Variants in RERE observed in about 807,000 individuals in gnomAD.
RERE encodes arginine-glutamic acid dipeptide repeats.
A neutral mutation model predicts 146.1 loss-of-function variants in RERE; 40 were observed. The observed-to-expected ratio is 0.27, with a 90% CI of 0.21 to 0.36. The LOEUF (loss-of-function observed/expected upper bound fraction) is 0.36, where lower values mean the gene tolerates loss of function less well. Among genes scored for constraint, RERE ranks in the 10% least tolerant of loss-of-function variants. The pLI, the probability that RERE is intolerant of heterozygous loss-of-function variation, is 1.00. For synonymous variants in RERE, 1,003 were observed against 866.0 expected (o/e 1.16, Z -2.78); for missense variants, 1,933 against 2,138.7 (o/e 0.90, Z 1.90).
At chr1:8,809,157 A>AAAT (rs1553151909) in intron 1 of RERE, among the ~76,000 whole-genome samples, 4 of 146,214 alleles carry the variant, frequency 2.7e-5, no homozygotes, top group Middle Eastern at 3.5e-3. Context: ...AAAAAAAAAA[A>AAAT]AAAGTACTGA....
At chr1:8,562,693 C>CT (rs1646093221) in intron 4 of RERE, among the ~76,000 whole-genome samples, 1 of 152,038 alleles carries the variant, frequency 6.6e-6, no homozygotes, top group Non-Finnish European at 1.5e-5. Context: ...TTTTAAGCCA[C>CT]TAAACAGGAG....
At chr1:8,597,405 T>C (rs1646567642) in intron 4 of RERE, among the ~76,000 whole-genome samples, 1 of 152,182 alleles carries the variant, frequency 6.6e-6, no homozygotes, top group Non-Finnish European at 1.5e-5. Context: ...GATGCTAATT[T>C]TTAAATGGAC....
At chr1:8,532,553 T>G (rs993415014) in intron 7 of RERE, among the ~76,000 whole-genome samples, 1 of 152,220 alleles carries the variant, frequency 6.6e-6, no homozygotes, top group Non-Finnish European at 1.5e-5. Flanking sequence ...CCCAAGTAGC[T>G]GGGATTACAG....
intron 10 of RERE, among the ~76,000 whole-genome samples, chr1:8,473,902 C>T (rs1345528545): frequency 1.3e-5 from 2 of 152,220 alleles, no homozygotes; most frequent in Non-Finnish European, 1.5e-5. Flanking sequence ...TCTTACCTAA[C>T]ACTATTCAAA....
chr1:8,622,486 TAAAAAA>T (rs1167355778), intron 3 of RERE, among the ~76,000 whole-genome samples: 3 of 43,016 alleles, frequency 7.0e-5, no homozygotes, highest in African/African-American at 2.8e-4. Flanking sequence ...TGTATCTGTT[TAAAAAA>T]AAAAAAAAAA....
chr1:8,430,974 T>C (rs1300132166), intron 11 of RERE, among the ~76,000 whole-genome samples: 1 of 152,206 alleles, frequency 6.6e-6, no homozygotes, highest in Non-Finnish European at 1.5e-5. Flanking sequence ...TTAAAGTCCG[T>C]AGATGCCATA....
chr1:8,701,986 A>T (rs568373110), intron 1 of RERE, among the ~76,000 whole-genome samples: 1 of 152,264 alleles, frequency 6.6e-6, no homozygotes, highest in East Asian at 1.9e-4. Flanking sequence ...AATTGCCCAC[A>T]GATCAACGTG....
chr1:8,795,460 T>G (rs76483067), intron 1 of RERE, among the ~76,000 whole-genome samples: 1 of 152,002 alleles, frequency 6.6e-6, no homozygotes, highest in Non-Finnish European at 1.5e-5. Flanking sequence ...ATATCCAGCA[T>G]GCATTTTTAT....
intron 11 of RERE, among the ~76,000 whole-genome samples, chr1:8,447,732 C>CTG (rs1644339875): frequency 6.6e-6 from 1 of 152,210 alleles, no homozygotes; most frequent in Non-Finnish European, 1.5e-5. Context: ...CCAGTGGAGG[C>CTG]TGTGCTGTGT....
At chr1:8,731,905 C>A in intron 1 of RERE, among the ~76,000 whole-genome samples, 1 of 152,180 alleles carries the variant, frequency 6.6e-6, no homozygotes, top group Non-Finnish European at 1.5e-5. Flanking sequence ...TGGTTTCATG[C>A]CATTCTCCTG....
intron 6 of RERE, among the ~76,000 whole-genome samples, chr1:8,552,322 C>T (rs1297581916): frequency 6.6e-6 from 1 of 152,170 alleles, no homozygotes; most frequent in African/African-American, 2.4e-5. Context: ...GCAAGAGCCC[C>T]CTCAGAGTTA....
intron 1 of RERE, among the ~76,000 whole-genome samples, chr1:8,680,430 A>G (rs748112157): frequency 6.6e-6 from 1 of 152,226 alleles, no homozygotes; most frequent in Non-Finnish European, 1.5e-5. Context: ...AGTGTGGTGT[A>G]TAAAGCAAAT....
At chr1:8,432,765 A>G (rs992361227) in intron 11 of RERE, among the ~76,000 whole-genome samples, 1 of 152,198 alleles carries the variant, frequency 6.6e-6, no homozygotes, top group African/African-American at 2.4e-5. Flanking sequence ...TCCCTGAAAC[A>G]TAATACATGT....
At chr1:8,390,280 T>G (rs185581027) in intron 12 of RERE, among the ~76,000 whole-genome samples, 2 of 152,244 alleles carry the variant, frequency 1.3e-5, no homozygotes, top group East Asian at 3.9e-4. Flanking sequence ...AGAGAGGCCT[T>G]TGGCACATCT....
chr1:8,498,754 CACACACACACACACATAT>C (rs1645085486), intron 8 of RERE, among the ~76,000 whole-genome samples: 21 of 149,338 alleles, frequency 1.4e-4, no homozygotes, highest in African/African-American at 4.7e-4. Flanking sequence ...CACACACACA[CACACACACACACACATAT>C]GTAGTTGAAT....
rs371600078 is a variant in RERE, at chr1:8,364,910, TG to T, written c.1448-73del. On this transcript the variant is annotated intron_variant, in intron 13 of 22. Transcript: ENST00000400908. This position sits in a 1 kb window ranked among gnomAD's most constrained non-coding sequence, Gnocchi z 5.1. ...CTCAGCCAAGGCTGGGCCGGTGGGG[TG>T]GGGGGGAGGGGGGAACACCTGTGAC... is the stretch of plus-strand genomic sequence containing the variant. 3,897 of 26,990 alleles carry T rather than the reference TG, an allele frequency of 0.14. 254 individuals are homozygous for T. Among genetic ancestry groups the T allele is most frequent in the African/African-American group, 0.44 (3,635 of 8,252 alleles). The allele number at this position is 26,990 out of a possible 1,614,324, so 1.7% of individuals were successfully genotyped here.
chr1:8,401,416 T>G (rs1643259847), intron 12 of RERE, among the ~76,000 whole-genome samples: 1 of 151,652 alleles, frequency 6.6e-6, no homozygotes, highest in Admixed American at 6.6e-5. Context: ...CACGCCAGCC[T>G]GCGCAACAGA....
chr1:8,445,020 A>C (rs759856611), intron 11 of RERE, among the ~76,000 whole-genome samples: 2 of 152,218 alleles, frequency 1.3e-5, no homozygotes, highest in Non-Finnish European at 2.9e-5. Flanking sequence ...TTTAAATGTC[A>C]ATGTTTGTAA....
intron 1 of RERE, among the ~76,000 whole-genome samples, chr1:8,754,171 G>A (rs912057588): frequency 6.6e-6 from 1 of 150,936 alleles, no homozygotes; most frequent in Non-Finnish European, 1.5e-5. Flanking sequence ...CCTAATATGT[G>A]TTAGGGAGTG....
Sources: gnomAD v4.1 joint callset for allele counts (sites outside exome capture counted in the v4.1 genomes callset) on GRCh38, gnomAD v4.1.1 for gene constraint, Gnocchi (gnomAD v3.1) non-coding constraint, MANE v1.5 for transcripts, NCBI Gene and HGNC (gene_info 2026-07-23, HGNC 2026-07-21) for gene names.